UBE2E1: variants seen among roughly 807,000 people sequenced by gnomAD.
The protein encoded by UBE2E1 is ubiquitin-conjugating enzyme E2 E1.
In UBE2E1, 6 loss-of-function variants were observed where a neutral mutation model predicts 21.4. That is an observed-to-expected ratio of 0.28 (90% CI 0.15 to 0.55). The LOEUF (loss-of-function observed/expected upper bound fraction) is 0.55. Ranked by LOEUF, UBE2E1 falls within the 20% of genes least tolerant of loss-of-function variation. UBE2E1 has a pLI of 0.93. For synonymous variants in UBE2E1, 87 were observed against 82.7 expected (o/e 1.05, Z -0.28); for missense variants, 142 against 236.5 (o/e 0.60, Z 2.62).
chr3:23,850,511 CTTTATT>C (rs1178856551), intron 3 of UBE2E1, among the ~76,000 whole-genome samples: 2 of 150,806 alleles, frequency 1.3e-5, no homozygotes, highest in Non-Finnish European at 3.0e-5. Context: ...ATCTACTCCT[CTTTATT>C]ATTATTATTA....
chr3:23,888,333 G>A (rs1050124225), intron 4 of UBE2E1: 7 of 451,952 alleles, frequency 1.5e-5, no homozygotes, highest in East Asian at 1.4e-4. Context: ...AGAAAACCCC[G>A]TCTTGGGGAT....
At chr3:23,862,057 C>T (rs906957034) in intron 3 of UBE2E1, among the ~76,000 whole-genome samples, 2 of 152,252 alleles carry the variant, frequency 1.3e-5, no homozygotes, top group African/African-American at 4.8e-5. Context: ...CTAGACACTG[C>T]CGTGGGGTCG....
Position 23,853,088 on chromosome 3 carries a change from A to AT in UBE2E1, c.204-34473dup, listed in dbSNP as rs1459980146. ...TGCGGCACCACACCCAGCTAATTTT[A>AT]TTTTTTGTTGGTCAGGCTGGTCTCG... On this transcript the variant is annotated intron_variant, in intron 3 of 5. Coordinates refer to ENST00000306627, the MANE Select transcript of UBE2E1 (RefSeq NM_003341.5). The surrounding 1 kb of genome is among the most constrained non-coding windows in gnomAD (Gnocchi z 4.1). 2.0e-5 allele frequency among the ~76,000 whole-genome samples: 3 copies of AT among 150,300 alleles called. No homozygotes were observed. Among genetic ancestry groups the AT allele is most frequent in the East Asian group, 2.0e-4 (1 of 5,054 alleles).
At chr3:23,865,892 C>T (rs1432520394) in intron 3 of UBE2E1, among the ~76,000 whole-genome samples, 1 of 152,144 alleles carries the variant, frequency 6.6e-6, no homozygotes, top group Non-Finnish European at 1.5e-5. Flanking sequence ...CCACATCAGC[C>T]CTCCATCTGT....
intron 3 of UBE2E1, among the ~76,000 whole-genome samples, chr3:23,857,975 C>T (rs553495137): frequency 6.6e-6 from 1 of 152,032 alleles, no homozygotes; most frequent in Non-Finnish European, 1.5e-5. Context: ...GTTCATGCCA[C>T]CGTGCCTGGC....
chr3:23,811,335 TCC>T (rs1699386945), intron 2 of UBE2E1, 123 bp from the exon 3 acceptor site: 1 of 860,494 alleles, frequency 1.2e-6, no homozygotes, highest in African/African-American at 1.7e-5. Context: ...GATGTGTAGT[TCC>T]TCTTTGCCCA....
chr3:23,859,453 C>G (rs1393290068), intron 3 of UBE2E1, among the ~76,000 whole-genome samples: 1 of 152,190 alleles, frequency 6.6e-6, no homozygotes, highest in Non-Finnish European at 1.5e-5. Context: ...CTTTGATATC[C>G]ATGTGGATGA....
chr3:23,827,067 T>A (rs76178104), intron 3 of UBE2E1, among the ~76,000 whole-genome samples: 1 of 151,828 alleles, frequency 6.6e-6, no homozygotes. Flanking sequence ...CCTTAGGACA[T>A]TTTTTTTCAC....
rs1301521621 is a variant in UBE2E1, at chr3:23,810,219, AT to A, written c.153-1240del. Among the ~76,000 whole-genome samples, 6 of 152,148 alleles carry A rather than the reference AT, an allele frequency of 3.9e-5. No homozygotes were observed. The highest frequency in any genetic ancestry group is 1.4e-4 in the African/African-American group (6 of 41,422). Reference sequence around the variant, plus strand: ...GTAACATAGCCCCATTGGGCTTTATATGATAGGAGGAGGAAAGGTTATAAAA... The same window carrying A: ...GTAACATAGCCCCATTGGGCTTTATAGATAGGAGGAGGAAAGGTTATAAAA... On this transcript the variant is annotated intron_variant, in intron 2 of 5. Coordinates refer to ENST00000306627, the MANE Select transcript of UBE2E1 (RefSeq NM_003341.5). This position sits in a 1 kb window ranked among gnomAD's most constrained non-coding sequence, Gnocchi z 5.8.
intron 3 of UBE2E1, among the ~76,000 whole-genome samples, chr3:23,849,075 A>T (rs1448217757): frequency 1.3e-5 from 2 of 152,202 alleles, no homozygotes; most frequent in African/African-American, 4.8e-5. Context: ...GTTGCCATGA[A>T]CATTCATGTG....
At chr3:23,849,465 C>A (rs1311725231) in intron 3 of UBE2E1, among the ~76,000 whole-genome samples, 1 of 151,994 alleles carries the variant, frequency 6.6e-6, no homozygotes, top group African/African-American at 2.4e-5. Flanking sequence ...GGTTTTAAGC[C>A]CCTCATACAT....
rs202153788 is a variant in UBE2E1 at position 23,853,483 on chromosome 3, T to C, written c.204-34084T>C. 3.3e-4 allele frequency among the ~76,000 whole-genome samples: 51 copies of C among 152,338 alleles called. No homozygotes were observed. The East Asian group carries it at 9.1e-3, about 27-fold the overall frequency. On this transcript the variant is annotated intron_variant, in intron 3 of 5. Transcript: ENST00000306627. This position sits in a 1 kb window ranked among gnomAD's most constrained non-coding sequence, Gnocchi z 4.1. ...TGTCAGTTTTTTCTTGTGTGATTCA[T>C]GCTTTTGTCTCCTCAGAAATCTGCC...
rs1553639807 is a variant in UBE2E1 at position 23,870,682 on chromosome 3, A to AT, written c.204-16881dup. Among the ~76,000 whole-genome samples, 1 of 151,322 alleles carries AT rather than the reference A, an allele frequency of 6.6e-6. No individual in the cohort carries two copies. Among genetic ancestry groups the AT allele is most frequent in the South Asian group, 2.1e-4 (1 of 4,794 alleles). On this transcript the variant is annotated intron_variant, in intron 3 of 5. Transcript: ENST00000306627. The surrounding 1 kb of genome is among the most constrained non-coding windows in gnomAD (Gnocchi z 4.2). ...AGTTCCTATTTAAAATTCTTTTTTT[A>AT]TTTTATTTTATTTTATTGATCATTC... is the stretch of plus-strand genomic sequence containing the variant.
intron 3 of UBE2E1, among the ~76,000 whole-genome samples, chr3:23,882,269 T>C (rs936896974): frequency 6.6e-6 from 1 of 151,944 alleles, no homozygotes; most frequent in Non-Finnish European, 1.5e-5. Flanking sequence ...GACAGGGTGC[T>C]GATTGGTGCG....
rs564723979 is a variant in UBE2E1 at position 23,853,792 on chromosome 3, G to A, written c.204-33775G>A. Among the ~76,000 whole-genome samples the A allele has an allele frequency of 1.0e-3, 156 of 152,184 alleles. No homozygotes were observed. The highest frequency in any genetic ancestry group is 3.5e-3 in the African/African-American group (146 of 41,514). ...AAAATTCCTGGTGGTGGTTTTTCAG[G>A]GATACCACCCAGTGACCATCTGTGG... On this transcript the variant is annotated intron_variant, in intron 3 of 5. Coordinates refer to ENST00000306627, the MANE Select transcript of UBE2E1 (RefSeq NM_003341.5). The surrounding 1 kb of genome is among the most constrained non-coding windows in gnomAD (Gnocchi z 4.1).
At chr3:23,879,659 A>G (rs1700991752) in intron 3 of UBE2E1, among the ~76,000 whole-genome samples, 1 of 152,204 alleles carries the variant, frequency 6.6e-6, no homozygotes, top group African/African-American at 2.4e-5. Context: ...GTCCGTGGGC[A>G]CCAGGGAGGC....
chr3:23,889,528 C>CA, intron 5 of UBE2E1: 1 of 1,370,602 alleles, frequency 7.3e-7, no homozygotes, highest in East Asian at 2.8e-5. Flanking sequence ...ATTCTTCCTC[C>CA]TTTTTTTTTC....
chr3:23,872,125 C>T (rs550471979), intron 3 of UBE2E1, among the ~76,000 whole-genome samples: 14 of 152,292 alleles, frequency 9.2e-5, no homozygotes, highest in South Asian at 2.1e-4. Flanking sequence ...AATCCCGGCA[C>T]CTCGGGAGGC....
At chr3:23,822,699 C>T (rs530143828) in intron 3 of UBE2E1, among the ~76,000 whole-genome samples, 1 of 152,198 alleles carries the variant, frequency 6.6e-6, no homozygotes, top group Non-Finnish European at 1.5e-5. Context: ...ATTTTACATG[C>T]TTTGATTTGC....
Sources: gnomAD v4.1 joint callset for allele counts (sites outside exome capture counted in the v4.1 genomes callset) on GRCh38, gnomAD v4.1.1 for gene constraint, Gnocchi (gnomAD v3.1) non-coding constraint, MANE v1.5 for transcripts, NCBI Gene and HGNC (gene_info 2026-07-23, HGNC 2026-07-21) for gene names.